The following CRACR2A variants were observed in gnomAD, a reference collection of about 807,000 sequenced individuals.
The protein encoded by CRACR2A is calcium release activated channel regulator 2A.
Under a neutral mutation model 90.5 loss-of-function variants are expected in CRACR2A, and 79 were observed. The ratio of observed to expected loss-of-function variants is 0.87; its 90% CI spans 0.73 to 1.05. CRACR2A has a LOEUF of 1.05. CRACR2A is among the 50% of genes least tolerant of loss of function. The probability of loss-of-function intolerance (pLI) is 0.00; values close to 1 mark genes in which losing one functional copy is unlikely to be tolerated. For synonymous variants in CRACR2A, 338 were observed against 356.7 expected (o/e 0.95, Z 0.59); for missense variants, 823 against 897.2 (o/e 0.92, Z 1.06).
At chr12:3,695,469 G>A (rs1945723431) in intron 4 of CRACR2A, among the ~76,000 whole-genome samples, 1 of 152,174 alleles carries the variant, frequency 6.6e-6, no homozygotes, top group Non-Finnish European at 1.5e-5. Context: ...TTGTGCAACA[G>A]TTAGAGAGTG....
intron 2 of CRACR2A, among the ~76,000 whole-genome samples, chr12:3,719,130 C>T (rs1227448027): frequency 2.0e-5 from 3 of 152,152 alleles, no homozygotes; most frequent in African/African-American, 7.2e-5. Context: ...AACACAGCCT[C>T]GGTTATGTGC....
intron 2 of CRACR2A, chr12:3,730,501 G>A (rs1361219077): frequency 2.0e-5 from 3 of 152,196 alleles, no homozygotes; most frequent in African/African-American, 7.2e-5. Context: ...TGAAATGGCA[G>A]GTTTATTCCG....
rs772277147 is a variant in CRACR2A at position 3,615,382 on chromosome 12, A to AGGGTG, written c.2164_2168dup (p.Ala724ThrfsTer?). Reference sequence around the variant, plus strand: ...AGCCACAGCAGGATTTCTTCTTAGCAGGGTGGCCGACCTGAATGGTGTCCT... The same window carrying AGGGTG: ...AGCCACAGCAGGATTTCTTCTTAGCAGGGTGGGGTGGCCGACCTGAATGGTGTCCT... On this transcript the variant is annotated frameshift_variant, in exon 20 of 20. Transcript: ENST00000440314. LOFTEE classifies it high-confidence loss of function. 30 of 1,551,510 alleles carry AGGGTG rather than the reference A, an allele frequency of 1.9e-5. No homozygotes were observed. Among genetic ancestry groups the AGGGTG allele is most frequent in the Non-Finnish European group, 2.4e-5 (28 of 1,146,942 alleles).
At chr12:3,619,100 C>T (rs944811028) in intron 18 of CRACR2A, among the ~76,000 whole-genome samples, 171 bp downstream of exon 18, 1 of 152,196 alleles carries the variant, frequency 6.6e-6, no homozygotes, top group South Asian at 2.1e-4. Flanking sequence ...ATGCAAAGTT[C>T]TACATGCACA....
intron 1 of CRACR2A, among the ~76,000 whole-genome samples, chr12:3,751,827 G>A (rs993539493): frequency 5.3e-5 from 8 of 151,768 alleles, no homozygotes; most frequent in East Asian, 3.9e-4. Flanking sequence ...ACAGGACCTC[G>A]GAAGCCATAC....
intron 1 of CRACR2A, among the ~76,000 whole-genome samples, chr12:3,733,670 A>G (rs1946396077): frequency 6.6e-6 from 1 of 152,166 alleles, no homozygotes; most frequent in African/African-American, 2.4e-5. Flanking sequence ...ACTGGATCAG[A>G]CAACACCAAT....
intron 6 of CRACR2A, among the ~76,000 whole-genome samples, chr12:3,676,121 C>CATCT (rs796636371): frequency 3.0e-4 from 45 of 152,226 alleles, no homozygotes; most frequent in African/African-American, 1.0e-3. Flanking sequence ...TCCATCCATC[C>CATCT]ACCCACCCAT....
chr12:3,679,166 C>A, intron 5 of CRACR2A, 68 bp from the exon 6 acceptor site: 2 of 1,417,914 alleles, frequency 1.4e-6, no homozygotes, highest in Admixed American at 2.4e-5. Context: ...AGCTTTCTCA[C>A]CTGCCAGGAA....
intron 10 of CRACR2A, among the ~76,000 whole-genome samples, chr12:3,652,417 G>C (rs1353301485): frequency 6.6e-6 from 1 of 152,184 alleles, no homozygotes; most frequent in Non-Finnish European, 1.5e-5. Context: ...AATTGGAATG[G>C]AGGGGCTTAT....
rs139788196 is a variant in CRACR2A at position 3,718,652 on chromosome 12, A to C, written c.-117-5335T>G. ...GCTGAAATGATTATATGTTGCATGTATTAGGTTAAACAAAATGTTATTACA... is the reference window on the plus strand; with the variant it reads ...GCTGAAATGATTATATGTTGCATGTCTTAGGTTAAACAAAATGTTATTACA... On this transcript the variant is annotated intron_variant, in intron 2 of 19. Coordinates refer to ENST00000440314, the MANE Select transcript of CRACR2A (RefSeq NM_001144958.2). 9.8e-5 allele frequency among the ~76,000 whole-genome samples: 15 copies of C among 152,372 alleles called. 1 individual carries two copies. The East Asian group carries it at 2.9e-3, about 29-fold the overall frequency.
At chr12:3,644,555 C>A (rs1467466585) in intron 12 of CRACR2A, 40 bp downstream of exon 12, 8 of 1,541,662 alleles carry the variant, frequency 5.2e-6, no homozygotes, top group Non-Finnish European at 7.0e-6. Flanking sequence ...TGGACCACAG[C>A]CCTTGGTCCC....
chr12:3,652,235 G>A (rs1944806743), intron 10 of CRACR2A, among the ~76,000 whole-genome samples: 1 of 152,282 alleles, frequency 6.6e-6, no homozygotes, highest in South Asian at 2.1e-4. Flanking sequence ...TAATGCTTGT[G>A]CCTTCAGATG....
intron 4 of CRACR2A, among the ~76,000 whole-genome samples, chr12:3,685,501 A>G (rs955334296): frequency 3.9e-5 from 6 of 152,266 alleles, no homozygotes; most frequent in African/African-American, 1.4e-4. Flanking sequence ...CTACTGACAA[A>G]GGAATGGAGA....
At chr12:3,643,839 TAA>T (rs1944625143) in intron 12 of CRACR2A, among the ~76,000 whole-genome samples, 1 of 74,930 alleles carries the variant, frequency 1.3e-5, no homozygotes, top group East Asian at 7.3e-4. Flanking sequence ...TAAATATATA[TAA>T]TATATATTAT....
At chr12:3,641,614 G>A (rs966845719) in intron 13 of CRACR2A, 118 bp downstream of exon 13, 2 of 779,844 alleles carry the variant, frequency 2.6e-6, no homozygotes, top group Non-Finnish European at 4.2e-6. Flanking sequence ...GGGAGTGAGT[G>A]CAGCTGACCT....
At chr12:3,699,782 A>C (rs1281715182) in intron 3 of CRACR2A, among the ~76,000 whole-genome samples, 1 of 152,210 alleles carries the variant, frequency 6.6e-6, no homozygotes, top group Non-Finnish European at 1.5e-5. Context: ...TTTCTAGCCT[A>C]GAATATGGTA....
chr12:3,619,575 C>T lies in CRACR2A; in HGVS notation c.1933-203G>A, dbSNP rs181597805. Among the ~76,000 whole-genome samples the T allele has an allele frequency of 1.7e-4, 24 of 142,290 alleles. No individual in the cohort carries two copies. In the East Asian group the frequency reaches 4.0e-3, roughly 24 times the overall value. The allele number at this position is 142,290 out of a possible 152,430, so 93.3% of individuals were successfully genotyped here. On this transcript the variant is annotated intron_variant, in intron 17 of 19. Transcript: ENST00000440314. ...CAGTTTATCATGCTTTTGCAAGGTG[C>T]CTGAGGCCTGCCTGTGGTGTCTCCT...
Position 3,708,485 on chromosome 12 carries a change from C to T in CRACR2A, c.-37+4752G>A, listed in dbSNP as rs147608524. Among the ~76,000 whole-genome samples, 1,321 of 152,272 alleles carry T rather than the reference C, an allele frequency of 8.7e-3. 9 individuals are homozygous for T. Among genetic ancestry groups the T allele is most frequent in the Non-Finnish European group, 0.012 (850 of 68,024 alleles). On this transcript the variant is annotated intron_variant, in intron 3 of 19. Transcript: ENST00000440314. The stretch of plus-strand genomic sequence containing the variant: ...AGTCGCCCAGGCTGGAGTGCAGTGG[C>T]GCCATCTCGGCTCACTACAAGCTCC...
intron 2 of CRACR2A, among the ~76,000 whole-genome samples, chr12:3,717,507 C>G (rs1946099275): frequency 6.6e-6 from 1 of 152,152 alleles, no homozygotes; most frequent in African/African-American, 2.4e-5. Context: ...GCAGGCCTAC[C>G]ACTGCGATCC....
Sources: gnomAD v4.1 joint callset for allele counts (sites outside exome capture counted in the v4.1 genomes callset) on GRCh38, gnomAD v4.1.1 for gene constraint, MANE v1.5 for transcripts, NCBI Gene and HGNC (gene_info 2026-07-23, HGNC 2026-07-21) for gene names.